Variants in CSMD1 observed in about 807,000 individuals in gnomAD.
CSMD1 encodes the protein CUB and Sushi multiple domains 1, also known as CUB and sushi domain-containing protein 1.
In CSMD1, 213 loss-of-function variants were observed where a neutral mutation model predicts 417.5. The observed-to-expected ratio is 0.51, with a 90% CI of 0.46 to 0.57. CSMD1 has a LOEUF of 0.57. Among genes scored for constraint, CSMD1 ranks in the 20% least tolerant of loss-of-function variants. The pLI, the probability that CSMD1 is intolerant of heterozygous loss-of-function variation, is 0.00. For synonymous variants in CSMD1, 2,862 were observed against 1,736.8 expected, an observed-to-expected ratio of 1.65 and a Z score of -16.11; for missense variants, 6,923 against 4,529.7, an observed-to-expected ratio of 1.53 and a Z score of -15.17.
chr8:3,071,948 T>C (rs1437917980), intron 49 of CSMD1, among the ~76,000 whole-genome samples: 1 of 152,220 alleles, frequency 6.6e-6, no homozygotes, highest in Non-Finnish European at 1.5e-5. Flanking sequence ...TCATGACACC[T>C]GGAAGCAACC....
chr8:4,905,716 A>G (rs1805209512), intron 1 of CSMD1, among the ~76,000 whole-genome samples: 1 of 147,800 alleles, frequency 6.8e-6, no homozygotes, highest in South Asian at 2.2e-4. Flanking sequence ...GCTCCTCGGG[A>G]GGCTGAGGCA....
At chr8:4,768,173 C>T (rs1341376173) in intron 1 of CSMD1, among the ~76,000 whole-genome samples, 1 of 152,098 alleles carries the variant, frequency 6.6e-6, no homozygotes, top group Non-Finnish European at 1.5e-5. Context: ...ATTAGCAGGA[C>T]ATTGATGGAT....
chr8:3,290,441 G>A (rs1803464389), intron 25 of CSMD1, among the ~76,000 whole-genome samples: 1 of 145,530 alleles, frequency 6.9e-6, no homozygotes, highest in Non-Finnish European at 1.5e-5. Context: ...TCACAATATT[G>A]ATTCTTCCTA....
chr8:4,463,941 C>A (rs1223380274), intron 2 of CSMD1, among the ~76,000 whole-genome samples: 1 of 152,014 alleles, frequency 6.6e-6, no homozygotes, highest in Non-Finnish European at 1.5e-5. Context: ...CAGCTCAGGA[C>A]TAGAGAACAG....
chr8:3,952,269 C>T (rs184668511), intron 5 of CSMD1, among the ~76,000 whole-genome samples: 47 of 152,220 alleles, frequency 3.1e-4, no homozygotes, highest in Admixed American at 7.9e-4. Flanking sequence ...CCTGAGCACA[C>T]AGTAAATACT....
intron 3 of CSMD1, among the ~76,000 whole-genome samples, chr8:4,399,879 G>A (rs1272178746): frequency 1.3e-5 from 2 of 152,154 alleles, no homozygotes; most frequent in Non-Finnish European, 2.9e-5. Context: ...TACCAAAGTA[G>A]TAAATATCAT....
At chr8:4,317,197 G>A (rs1003075589) in intron 3 of CSMD1, among the ~76,000 whole-genome samples, 1 of 152,088 alleles carries the variant, frequency 6.6e-6, no homozygotes, top group Non-Finnish European at 1.5e-5. Flanking sequence ...AGCTCAATGG[G>A]TTATATTTTA....
At chr8:3,390,930 C>A (rs936444984) in intron 17 of CSMD1, among the ~76,000 whole-genome samples, 2 of 152,042 alleles carry the variant, frequency 1.3e-5, no homozygotes, top group African/African-American at 4.8e-5. Flanking sequence ...TGAAAAGTCA[C>A]AGTTGATAAA....
intron 2 of CSMD1, among the ~76,000 whole-genome samples, chr8:4,567,275 G>C (rs1243765715): frequency 6.6e-6 from 1 of 152,140 alleles, no homozygotes; most frequent in Non-Finnish European, 1.5e-5. Context: ...TGTAACGATT[G>C]TGTTATTTCT....
At chr8:3,090,938 G>C (rs1814899037) in intron 48 of CSMD1, among the ~76,000 whole-genome samples, 1 of 152,018 alleles carries the variant, frequency 6.6e-6, no homozygotes, top group African/African-American at 2.4e-5. Context: ...AATTGATTTA[G>C]TTAATATAAA....
intron 7 of CSMD1, among the ~76,000 whole-genome samples, chr8:3,647,287 C>A (rs1045060707): frequency 6.6e-6 from 1 of 152,080 alleles, no homozygotes; most frequent in Non-Finnish European, 1.5e-5. Context: ...GCAGAACCAC[C>A]CAATGTCATG....
intron 23 of CSMD1, among the ~76,000 whole-genome samples, chr8:3,319,432 T>C (rs1477095069): frequency 6.6e-6 from 1 of 152,334 alleles, no homozygotes; most frequent in East Asian, 1.9e-4. Context: ...CAGAGTTTGA[T>C]AGCTTGAGTA....
At chr8:4,047,199 G>C (rs571892759) in intron 3 of CSMD1, among the ~76,000 whole-genome samples, 2 of 152,130 alleles carry the variant, frequency 1.3e-5, no homozygotes, top group African/African-American at 2.4e-5. Flanking sequence ...ATGCTCTGTA[G>C]TAACTCATGT....
At chr8:4,911,328 A>T (rs1805656713) in intron 1 of CSMD1, among the ~76,000 whole-genome samples, 1 of 152,208 alleles carries the variant, frequency 6.6e-6, no homozygotes, top group African/African-American at 2.4e-5. Context: ...AACTTAACCA[A>T]TATGCAGATG....
At chr8:3,042,240 G>A (rs1368683319) in intron 50 of CSMD1, among the ~76,000 whole-genome samples, 2 of 152,096 alleles carry the variant, frequency 1.3e-5, no homozygotes, top group African/African-American at 4.8e-5. Context: ...GAAGAGAGAG[G>A]TGGATGGATA....
intron 1 of CSMD1, among the ~76,000 whole-genome samples, chr8:4,929,924 A>C (rs4076510): frequency 1.3e-5 from 2 of 152,078 alleles, no homozygotes; most frequent in Admixed American, 6.5e-5. Context: ...AGTATATTGC[A>C]AGAGCTAATT....
intron 2 of CSMD1, among the ~76,000 whole-genome samples, chr8:4,457,518 C>T (rs1241096757): frequency 6.6e-6 from 1 of 152,046 alleles, no homozygotes; most frequent in Admixed American, 6.6e-5. Context: ...TGGACATACC[C>T]ATGTAATTAA....
At chr8:3,892,725 T>C (rs1467201007) in intron 5 of CSMD1, among the ~76,000 whole-genome samples, 1 of 149,886 alleles carries the variant, frequency 6.7e-6, no homozygotes, top group Non-Finnish European at 1.5e-5. Flanking sequence ...GTTTTTTTTT[T>C]TTTTTTTTTT....
At chr8:3,571,773 C>T (rs1799953238) in intron 10 of CSMD1, among the ~76,000 whole-genome samples, 1 of 133,650 alleles carries the variant, frequency 7.5e-6, no homozygotes, top group Non-Finnish European at 1.6e-5. Context: ...GCAATTTCCC[C>T]TGCACCACTC....
Sources: allele counts gnomAD v4.1 joint callset (sites outside exome capture counted in the v4.1 genomes callset), GRCh38; gene constraint gnomAD v4.1.1; transcripts MANE v1.5; gene names NCBI Gene and HGNC (gene_info 2026-07-23, HGNC 2026-07-21).